Variants in RPAP3 observed in about 807,000 individuals in gnomAD.
RPAP3 encodes the protein RNA polymerase II associated protein 3.
In RPAP3, 58 loss-of-function variants were observed where a neutral mutation model predicts 88.8. The ratio of observed to expected loss-of-function variants is 0.65; its 90% CI spans 0.53 to 0.81. The LOEUF (loss-of-function observed/expected upper bound fraction) is 0.81, where lower values mean the gene tolerates loss of function less well. Among genes scored for constraint, RPAP3 ranks in the 40% least tolerant of loss-of-function variants. RPAP3 has a pLI of 0.00. For synonymous variants in RPAP3, 255 were observed against 259.9 expected, an observed-to-expected ratio of 0.98 and a Z score of 0.18; for missense variants, 751 against 764.3, an observed-to-expected ratio of 0.98 and a Z score of 0.20.
intron 9 of RPAP3, among the ~76,000 whole-genome samples, chr12:47,682,138 T>C (rs527412938): frequency 6.6e-6 from 1 of 152,292 alleles, no homozygotes; most frequent in East Asian, 1.9e-4. Context: ...AGTCTCAATA[T>C]GCACAGGTAT....
At chr12:47,684,625 T>C (rs555638188) in intron 9 of RPAP3, among the ~76,000 whole-genome samples, 8 of 152,346 alleles carry the variant, frequency 5.3e-5, no homozygotes, top group African/African-American at 1.9e-4. Flanking sequence ...CTTGGTATAA[T>C]ATATTCCACT....
Position 47,663,520 on chromosome 12 carries a change from TTTC to T in RPAP3, c.1980_1982del (p.Lys661del). ...AAAATGGAAATCAACCACCGTATCT[TTTC>T]TTGAGTTCTTCGACAGAACTATCCT... is the stretch of plus-strand genomic sequence containing the variant. On this transcript the variant is annotated inframe_deletion, in exon 17 of 17. Transcript: ENST00000005386. 1 of 1,589,638 alleles carries T rather than the reference TTTC, an allele frequency of 6.3e-7. No individual in the cohort carries two copies. Among genetic ancestry groups the T allele is most frequent in the Non-Finnish European group, 8.6e-7 (1 of 1,167,996 alleles).
chr12:47,701,204 G>C (rs1939647745), intron 3 of RPAP3: 1 of 268,466 alleles, frequency 3.7e-6, no homozygotes, highest in Non-Finnish European at 6.9e-6. Flanking sequence ...TAAGTAAACA[G>C]TAATTTTTGT....
At chr12:47,694,907 T>C (rs1024911688) in intron 5 of RPAP3, among the ~76,000 whole-genome samples, 2 of 152,196 alleles carry the variant, frequency 1.3e-5, no homozygotes, top group African/African-American at 4.8e-5. Context: ...GGTATTATTA[T>C]ACACTGCTAA....
chr12:47,676,029 A>C (rs1030314447), intron 12 of RPAP3, among the ~76,000 whole-genome samples: 2 of 152,240 alleles, frequency 1.3e-5, no homozygotes, highest in African/African-American at 4.8e-5. Context: ...AAAGAACAGA[A>C]ATCACAACAA....
chr12:47,676,310 G>C (rs1370122438), intron 12 of RPAP3, among the ~76,000 whole-genome samples: 1 of 152,092 alleles, frequency 6.6e-6, no homozygotes, highest in African/African-American at 2.4e-5. Context: ...ATCTAAAATT[G>C]ACACCCTAAC....
At position 47,701,569 on chromosome 12, in the gene RPAP3, T is replaced by C. The variant is rs1442361615; in HGVS notation, c.189A>G (p.Lys63=). 6.3e-7 allele frequency: 1 copy of C among 1,593,800 alleles called. No individual in the cohort carries two copies. The highest frequency in any genetic ancestry group is 2.3e-5 in the East Asian group (1 of 44,122). The change falls in exon 3 of 17, where the codon AAA becomes AAG. Residue 63 remains lysine (K), a synonymous_variant. Transcript: ENST00000005386. ...LPPIRNGNFR[K]KKKGKAKESS... The stretch of plus-strand genomic sequence containing the variant: ...ACTCTTTAGCTTTGCCTTTCTTCTT[T>C]TTCCTAAAATTCCCATTTCGAATAG...
intron 12 of RPAP3, among the ~76,000 whole-genome samples, chr12:47,676,245 A>C (rs1939113381): frequency 6.6e-6 from 1 of 152,246 alleles, no homozygotes; most frequent in Non-Finnish European, 1.5e-5. Flanking sequence ...CATTTAAAGC[A>C]GTGTGTAGAA....
chr12:47,667,632 T>C (rs1040270778), intron 15 of RPAP3, 122 bp downstream of exon 15: 24 of 565,450 alleles, frequency 4.2e-5, no homozygotes, highest in East Asian at 1.5e-4. Context: ...CATAGGCCAA[T>C]TGACATAAAC....
intron 16 of RPAP3, among the ~76,000 whole-genome samples, chr12:47,666,207 A>G (rs1938871178): frequency 6.6e-6 from 1 of 152,236 alleles, no homozygotes; most frequent in Admixed American, 6.5e-5. Flanking sequence ...AAGTTTCTGC[A>G]TAGTGCAATT....
chr12:47,679,748 G>A lies in RPAP3; in HGVS notation c.1141C>T (p.Pro381Ser). 6.2e-7 allele frequency: 1 copy of A among 1,605,850 alleles called. No individual in the cohort carries two copies. The highest frequency in any genetic ancestry group is 8.5e-7 in the Non-Finnish European group (1 of 1,175,506). The change falls in exon 11 of 17, where the codon CCT (proline) becomes TCT (serine). Residue 381 changes from proline to serine, a missense_variant. Pro to Ser is a moderately conservative substitution (Grantham distance 74, BLOSUM62 -1). Coordinates refer to ENST00000005386, the MANE Select transcript of RPAP3 (RefSeq NM_024604.3). The stretch of plus-strand genomic sequence containing the variant: ...TCAGTTACTGCTTGCTTATTTCCAG[G>A]TTCCAGAAGTAAAACAGTTTCAAAA... ...QDFETVLLLE[P>S]GNKQAVTELS... is the part of the protein sequence containing the mutation.
At chr12:47,688,086 T>A (rs1939360734) in intron 7 of RPAP3, 85 bp from the exon 8 acceptor site, 3 of 1,131,354 alleles carry the variant, frequency 2.7e-6, no homozygotes, top group African/African-American at 3.2e-5. Flanking sequence ...ATACCTCAAA[T>A]ATATTAGAAT....
intron 10 of RPAP3, 79 bp downstream of exon 10, chr12:47,681,617 G>A: frequency 7.0e-7 from 1 of 1,425,678 alleles, no homozygotes; most frequent in Non-Finnish European, 9.6e-7. Flanking sequence ...TTGAACCATG[G>A]GTAAGCTACA....
At chr12:47,702,572 T>C in intron 2 of RPAP3, 116 bp downstream of exon 2, 3 of 871,566 alleles carry the variant, frequency 3.4e-6, no homozygotes, top group East Asian at 2.9e-5. Context: ...GAAAAGAAAA[T>C]TGACAGTGAA....
rs1422431951 is a variant in RPAP3, at chr12:47,686,551, C to CACAT, written c.992+228_992+229insATGT. ...ATAAACACACACATACACATACACA[C>CACAT]ACACACACACACACACACACACACA... On this transcript the variant is annotated intron_variant, in intron 9 of 16. Transcript: ENST00000005386. 2.0e-3 allele frequency among the ~76,000 whole-genome samples: 242 copies of CACAT among 118,622 alleles called. 4 individuals are homozygous for CACAT. Among genetic ancestry groups the CACAT allele is most frequent in the African/African-American group, 6.2e-3 (232 of 37,274 alleles). 77.8% of individuals were successfully genotyped at this position (118,622 alleles called of 152,430 possible).
At chr12:47,666,920 T>C (rs1938886410) in intron 16 of RPAP3, 60 bp downstream of exon 16, 1 of 739,736 alleles carries the variant, frequency 1.4e-6, no homozygotes, top group East Asian at 3.1e-5. Context: ...CAGCTATTAT[T>C]TGTTGAATGA....
At chr12:47,665,995 T>C (rs931683565) in intron 16 of RPAP3, among the ~76,000 whole-genome samples, 2 of 152,196 alleles carry the variant, frequency 1.3e-5, no homozygotes, top group Non-Finnish European at 2.9e-5. Flanking sequence ...ATCTTTCTTA[T>C]TGATTTAAAA....
rs998375067 is a variant in RPAP3, at chr12:47,662,783, G to A, written c.*722C>T. The A allele has an allele frequency of 4.9e-4, 75 of 152,190 alleles. No homozygotes were observed. Among genetic ancestry groups the A allele is most frequent in the African/African-American group, 1.7e-3 (69 of 41,418 alleles). The allele number at this position is 152,190 out of a possible 1,614,324, so 9.4% of individuals were successfully genotyped here. On this transcript the variant is annotated 3_prime_UTR_variant, in exon 17 of 17. Transcript: ENST00000005386. ...GCCCTACTTTCAAAAGTTTACAAAC[G>A]CTACACTCACATCCAACAAATACAT... is the stretch of plus-strand genomic sequence containing the variant.
intron 12 of RPAP3, among the ~76,000 whole-genome samples, chr12:47,676,102 T>G (rs935310856): frequency 3.3e-5 from 5 of 152,210 alleles, no homozygotes; most frequent in African/African-American, 1.2e-4. Context: ...CACTCAAAAC[T>G]GCACAACTGC....
Sources: allele counts gnomAD v4.1 joint callset (sites outside exome capture counted in the v4.1 genomes callset), GRCh38; gene constraint gnomAD v4.1.1; transcripts MANE v1.5; gene names NCBI Gene and HGNC (gene_info 2026-07-23, HGNC 2026-07-21).